Variants in ST3GAL1 observed in about 807,000 individuals in gnomAD.
The protein encoded by ST3GAL1 is ST3 beta-galactoside alpha-2,3-sialyltransferase 1.
A neutral mutation model predicts 34.1 loss-of-function variants in ST3GAL1; 16 were observed. The observed-to-expected ratio is 0.47, with a 90% CI of 0.32 to 0.71. The LOEUF is 0.71. Ranked by LOEUF, ST3GAL1 falls within the 30% of genes least tolerant of loss-of-function variation. The pLI is 0.04. For synonymous variants in ST3GAL1, 191 were observed against 184.7 expected (o/e 1.03, Z -0.28); for missense variants, 353 against 447.4 (o/e 0.79, Z 1.90).
At position 133,562,790 on chromosome 8, in the gene ST3GAL1, TTTCTTTCCTTCCTTCC is replaced by T. The variant is rs1188275463; in HGVS notation, c.-582+8887_-582+8902del. ...TCTAAGAAAAGGGTTTCTTTCTTTCTTTCTTTCCTTCCTTCCTTCCTTCCTTCCTTCCTTCCTTCCT... is the reference window on the plus strand; with the variant it reads ...TCTAAGAAAAGGGTTTCTTTCTTTCTTTCCTTCCTTCCTTCCTTCCTTCCT... On this transcript the variant is annotated intron_variant, in intron 1 of 9. Coordinates refer to ENST00000522652, the MANE Select transcript of ST3GAL1 (RefSeq NM_173344.3). 1.3e-3 allele frequency among the ~76,000 whole-genome samples: 169 copies of T among 130,924 alleles called. 1 individual carries two copies. The highest frequency in any genetic ancestry group is 1.6e-3 in the South Asian group (6 of 3,642). The allele number at this position is 130,924 out of a possible 152,430, so 85.9% of individuals were successfully genotyped here. A position where few individuals can be genotyped will look rare whatever the true frequency, so the allele number is the denominator to read the frequency against.
At chr8:133,534,544 G>C (rs1307197704) in intron 2 of ST3GAL1, among the ~76,000 whole-genome samples, 1 of 152,178 alleles carries the variant, frequency 6.6e-6, no homozygotes. Flanking sequence ...GGCAGACAGG[G>C]CTGCAAACAG....
At position 133,508,572 on chromosome 8, in the gene ST3GAL1, G is replaced by A. The variant is rs768196516; in HGVS notation, c.-428-9383C>T. On this transcript the variant is annotated intron_variant, in intron 2 of 9. Coordinates refer to ENST00000522652, the MANE Select transcript of ST3GAL1 (RefSeq NM_173344.3). The surrounding 1 kb of genome is among the most constrained non-coding windows in gnomAD (Gnocchi z 4.1). ...CCTGTTTGAGGCTGATCTCTGCAGC[G>A]ACTGTAAGGAAGAGACAATCTCAGA... is the stretch of plus-strand genomic sequence containing the variant. 7.9e-5 allele frequency among the ~76,000 whole-genome samples: 12 copies of A among 152,074 alleles called. No individual in the cohort carries two copies. The highest frequency in any genetic ancestry group is 1.8e-4 in the Non-Finnish European group (12 of 68,032).
Position 133,466,098 on chromosome 8 carries a change from C to T in ST3GAL1, c.307-8G>A, listed in dbSNP as rs1347649728. Reference sequence around the variant, plus strand: ...CTTCTCCCGCTGGAGCCTCTGTGGGCGGAGGACAGAAGGTGGTCAACCTGG... The same window carrying T: ...CTTCTCCCGCTGGAGCCTCTGTGGGTGGAGGACAGAAGGTGGTCAACCTGG... On this transcript the variant is annotated splice_polypyrimidine_tract_variant and splice_region_variant and intron_variant, in intron 5 of 9. Transcript: ENST00000522652. This position sits in a 1 kb window ranked among gnomAD's most constrained non-coding sequence, Gnocchi z 4.4. The T allele has an allele frequency of 1.9e-5, 31 of 1,606,454 alleles. No individual in the cohort carries two copies. The highest frequency in any genetic ancestry group is 2.7e-5 in the African/African-American group (2 of 74,712).
rs560500447 is a variant in ST3GAL1 at position 133,556,654 on chromosome 8, C to T, written c.-581-10728G>A. 1.9e-4 allele frequency among the ~76,000 whole-genome samples: 29 copies of T among 151,948 alleles called. No individual in the cohort carries two copies. The highest frequency in any genetic ancestry group is 2.5e-4 in the Non-Finnish European group (17 of 67,988). On this transcript the variant is annotated intron_variant, in intron 1 of 9. Transcript: ENST00000522652. The surrounding 1 kb of genome is among the most constrained non-coding windows in gnomAD (Gnocchi z 8.9). Reference sequence around the variant, plus strand: ...GAAAGGGAGGGAGAAAAAGAAGGAACGAAAATGGGAAGGAAGAGAAGGGAG... The same window carrying T: ...GAAAGGGAGGGAGAAAAAGAAGGAATGAAAATGGGAAGGAAGAGAAGGGAG...
chr8:133,496,197 C>T (rs1161248550), intron 3 of ST3GAL1, among the ~76,000 whole-genome samples: 1 of 152,076 alleles, frequency 6.6e-6, no homozygotes, highest in East Asian at 1.9e-4. Flanking sequence ...AAAATTGCAT[C>T]CTGAGTATTA....
intron 5 of ST3GAL1, among the ~76,000 whole-genome samples, chr8:133,472,869 A>AC (rs1563699482): frequency 1.3e-5 from 2 of 151,570 alleles, no homozygotes; most frequent in African/African-American, 2.4e-5. Flanking sequence ...AAAAAAAAAA[A>AC]CCCACCTAAG....
Position 133,562,852 on chromosome 8 carries a change from T to TTC in ST3GAL1, c.-582+8840_-582+8841insGA, listed in dbSNP as rs748884767. ...TTCCTTCCTTCCTTCCTTTCTTTCTTTTTTTTTTTTTTTTTCCCACTGGGC... is the reference window on the plus strand; with the variant it reads ...TTCCTTCCTTCCTTCCTTTCTTTCTTTCTTTTTTTTTTTTTTTCCCACTGGGC... On this transcript the variant is annotated intron_variant, in intron 1 of 9. Transcript: ENST00000522652. Among the ~76,000 whole-genome samples the TTC allele has an allele frequency of 8.2e-3, 468 of 56,954 alleles. 7 individuals are homozygous for TTC. The highest frequency in any genetic ancestry group is 0.014 in the South Asian group (27 of 1,886). 37.4% of individuals were successfully genotyped at this position (56,954 alleles called of 152,430 possible). A position where few individuals can be genotyped will look rare whatever the true frequency, so the allele number is the denominator to read the frequency against.
chr8:133,532,366 A>T (rs1408115155), intron 2 of ST3GAL1, among the ~76,000 whole-genome samples: 1 of 152,056 alleles, frequency 6.6e-6, no homozygotes, highest in African/African-American at 2.4e-5. Context: ...CAGCTATGGC[A>T]GGAGAATCGC....
At chr8:133,534,910 A>G (rs1223120465) in intron 2 of ST3GAL1, among the ~76,000 whole-genome samples, 1 of 152,196 alleles carries the variant, frequency 6.6e-6, no homozygotes, top group Admixed American at 6.5e-5. Flanking sequence ...ATGAAGAATA[A>G]AGCATAGGCT....
At chr8:133,559,112 C>T (rs1819145455) in intron 1 of ST3GAL1, among the ~76,000 whole-genome samples, 1 of 151,956 alleles carries the variant, frequency 6.6e-6, no homozygotes, top group Admixed American at 6.6e-5. Flanking sequence ...ACCTGCGATG[C>T]TGTTTGGGGC....
At position 133,459,461 on chromosome 8, in the gene ST3GAL1, C is replaced by G. The variant is rs1167837635; in HGVS notation, c.*303G>C. The stretch of plus-strand genomic sequence containing the variant: ...TCATTCCCCAAGCTTGCCCCAGGAG[C>G]CAAAATGATTTTAGTGTGTGGAGGT... On this transcript the variant is annotated 3_prime_UTR_variant, in exon 10 of 10. Coordinates refer to ENST00000522652, the MANE Select transcript of ST3GAL1 (RefSeq NM_173344.3). The surrounding 1 kb of genome is among the most constrained non-coding windows in gnomAD (Gnocchi z 4.7). 3.8e-6 allele frequency: 1 copy of G among 261,768 alleles called. No homozygotes were observed. Among genetic ancestry groups the G allele is most frequent in the Non-Finnish European group, 7.2e-6 (1 of 139,436 alleles). 16.2% of individuals were successfully genotyped at this position (261,768 alleles called of 1,614,324 possible).
intron 5 of ST3GAL1, among the ~76,000 whole-genome samples, chr8:133,475,357 G>A (rs1180976321): frequency 6.6e-6 from 1 of 152,226 alleles, no homozygotes; most frequent in Non-Finnish European, 1.5e-5. Context: ...CTCCAGAGCT[G>A]CAAGAGGATG....
At chr8:133,534,893 G>C (rs1818264754) in intron 2 of ST3GAL1, among the ~76,000 whole-genome samples, 1 of 152,226 alleles carries the variant, frequency 6.6e-6, no homozygotes, top group South Asian at 2.1e-4. Flanking sequence ...GGTGCTCTGT[G>C]AGTCCAATGA....
intron 6 of ST3GAL1, chr8:133,465,600 T>G: frequency 3.1e-6 from 1 of 319,500 alleles, no homozygotes; most frequent in Non-Finnish European, 5.7e-6. Flanking sequence ...AGTCCTCACA[T>G]TAATTTTGCC....
chr8:133,458,882 TTTTC>T lies in ST3GAL1; in HGVS notation c.*878_*881del, dbSNP rs1432751836. 6.9e-6 allele frequency: 1 copy of T among 144,344 alleles called. No individual in the cohort carries two copies. The highest frequency in any genetic ancestry group is 2.3e-4 in the South Asian group (1 of 4,314). The allele number at this position is 144,344 out of a possible 1,614,324, so 8.9% of individuals were successfully genotyped here. On this transcript the variant is annotated 3_prime_UTR_variant, in exon 10 of 10. Transcript: ENST00000522652. ...GGTGCCAAGTTTGGGGTTTTTTTTCTTTTCTTTTTTTTTTTTTTTCAGAGACAGG... is the reference window on the plus strand; with the variant it reads ...GGTGCCAAGTTTGGGGTTTTTTTTCTTTTTTTTTTTTTTTTCAGAGACAGG...
At chr8:133,505,706 G>A (rs571966562) in intron 2 of ST3GAL1, among the ~76,000 whole-genome samples, 2 of 151,910 alleles carry the variant, frequency 1.3e-5, no homozygotes, top group African/African-American at 4.8e-5. Context: ...GGGTTCAAGC[G>A]AGTCTCCTGC....
intron 2 of ST3GAL1, among the ~76,000 whole-genome samples, chr8:133,524,377 C>T (rs74369762): frequency 6.6e-6 from 1 of 152,362 alleles, no homozygotes; most frequent in East Asian, 1.9e-4. Flanking sequence ...GGCAACACTA[C>T]AGCCCCAGGT....
At chr8:133,462,704 C>T (rs2130917354) in intron 8 of ST3GAL1, among the ~76,000 whole-genome samples, 1 of 152,302 alleles carries the variant, frequency 6.6e-6, no homozygotes, top group Non-Finnish European at 1.5e-5. Flanking sequence ...AAACCATTCA[C>T]CTCTCAGTGT....
chr8:133,463,318 C>G, intron 8 of ST3GAL1, 96 bp downstream of exon 8: 1 of 1,416,798 alleles, frequency 7.1e-7, no homozygotes, highest in Non-Finnish European at 9.9e-7. Flanking sequence ...GCCTGGGGAT[C>G]TGGGGGCTGT....
Sources: gnomAD v4.1 joint callset for allele counts (sites outside exome capture counted in the v4.1 genomes callset) on GRCh38, gnomAD v4.1.1 for gene constraint, Gnocchi (gnomAD v3.1) non-coding constraint, MANE v1.5 for transcripts, NCBI Gene and HGNC (gene_info 2026-07-23, HGNC 2026-07-21) for gene names.